Variants in TTC7A observed in about 807,000 individuals in gnomAD.
TTC7A encodes the protein tetratricopeptide repeat domain 7A.
In TTC7A, 110 loss-of-function variants were observed where a neutral mutation model predicts 103.7. That is an observed-to-expected ratio of 1.06 (90% CI 0.91 to 1.24). The LOEUF (loss-of-function observed/expected upper bound fraction) is 1.24. Ranked by LOEUF, TTC7A falls within the 50% of genes most tolerant of loss-of-function variation. The pLI is 0.00. For synonymous variants in TTC7A, 521 were observed against 467.9 expected, an observed-to-expected ratio of 1.11 and a Z score of -1.47; for missense variants, 1,340 against 1,116.3, an observed-to-expected ratio of 1.20 and a Z score of -2.86.
chr2:47,054,041 C>CTTTCAGTCA (rs1683119527), intron 18 of TTC7A: 1 of 911,956 alleles, frequency 1.1e-6, no homozygotes, highest in African/African-American at 1.8e-5. Flanking sequence ...AAACACATGC[C>CTTTCAGTCA]TTTCAGTCAT....
At chr2:46,931,636 T>A (rs1309083521) in intron 2 of TTC7A, among the ~76,000 whole-genome samples, 1 of 151,954 alleles carries the variant, frequency 6.6e-6, no homozygotes, top group African/African-American at 2.4e-5. Flanking sequence ...TGATCTTCCC[T>A]TTTCATGTTT....
At chr2:46,926,490 C>T (rs1669389948) in intron 2 of TTC7A, among the ~76,000 whole-genome samples, 1 of 152,140 alleles carries the variant, frequency 6.6e-6, no homozygotes, top group South Asian at 2.1e-4. Flanking sequence ...GAAGACTTCC[C>T]TCTATGATAA....
chr2:47,047,233 A>G lies in TTC7A; in HGVS notation c.1919+802A>G, dbSNP rs1184348708. On this transcript the variant is annotated intron_variant, in intron 16 of 19. Transcript: ENST00000319190. ...TGTCATCTCCCTGAGGCCTCAGGGG[A>G]CCCCAGTCTGGTGTATATTTGTGTT... The G allele has an allele frequency of 2.1e-5, 29 of 1,360,884 alleles. No individual in the cohort carries two copies. The South Asian group carries it at 3.7e-4, about 17-fold the overall frequency. 84.3% of individuals were successfully genotyped at this position (1,360,884 alleles called of 1,614,324 possible).
chr2:47,030,699 C>T (rs1034125741), intron 15 of TTC7A, among the ~76,000 whole-genome samples: 3 of 152,182 alleles, frequency 2.0e-5, no homozygotes, highest in Non-Finnish European at 4.4e-5. Flanking sequence ...TCCACACTAA[C>T]CCCTGCCCCG....
intron 3 of TTC7A, among the ~76,000 whole-genome samples, chr2:46,965,943 C>T (rs1672795332): frequency 6.6e-6 from 1 of 151,786 alleles, no homozygotes; most frequent in Non-Finnish European, 1.5e-5. Flanking sequence ...AAAATATTTT[C>T]TAAGTGCATA....
chr2:46,983,609 G>A (rs1004268704), intron 5 of TTC7A, among the ~76,000 whole-genome samples: 1 of 152,236 alleles, frequency 6.6e-6, no homozygotes, highest in Non-Finnish European at 1.5e-5. Flanking sequence ...AGTGACTTAT[G>A]AAGCCCGGCA....
chr2:47,044,889 G>A (rs1272352660), intron 15 of TTC7A, among the ~76,000 whole-genome samples: 2 of 152,234 alleles, frequency 1.3e-5, no homozygotes, highest in Admixed American at 1.3e-4. Flanking sequence ...TGGGAGCCCA[G>A]GTCTTAGGGC....
At chr2:47,013,116 C>A (rs1429360874) in intron 11 of TTC7A, among the ~76,000 whole-genome samples, 3 of 152,096 alleles carry the variant, frequency 2.0e-5, no homozygotes, top group Non-Finnish European at 4.4e-5. Flanking sequence ...ACATAAATGA[C>A]CAAGTAGGGA....
chr2:46,918,746 C>T (rs796810149), intron 2 of TTC7A, among the ~76,000 whole-genome samples: 11 of 152,322 alleles, frequency 7.2e-5, no homozygotes, highest in African/African-American at 2.6e-4. Flanking sequence ...TTGGAGAAAT[C>T]TCACGAGCAA....
intron 8 of TTC7A, among the ~76,000 whole-genome samples, chr2:47,002,783 C>G (rs1288689752): frequency 6.6e-6 from 1 of 152,124 alleles, no homozygotes; most frequent in Non-Finnish European, 1.5e-5. Flanking sequence ...CACACACAGG[C>G]ACTGCCCAGC....
At chr2:47,048,896 CCTGGCCTGTCT>C (rs1358624552) in intron 16 of TTC7A, among the ~76,000 whole-genome samples, 1 of 152,210 alleles carries the variant, frequency 6.6e-6, no homozygotes, top group African/African-American at 2.4e-5. Flanking sequence ...AGCCTCCATG[CCTGGCCTGTCT>C]CTGGCTTTTT....
chr2:47,064,209 C>T (rs961112961), intron 19 of TTC7A, among the ~76,000 whole-genome samples: 1 of 152,248 alleles, frequency 6.6e-6, no homozygotes, highest in Admixed American at 6.5e-5. Context: ...GTCCTGCTGG[C>T]TGCCGTCTGT....
intron 2 of TTC7A, 21 bp downstream of exon 2, chr2:46,950,547 C>A: frequency 6.2e-7 from 1 of 1,612,366 alleles, no homozygotes; most frequent in South Asian, 1.1e-5. Context: ...AGCCTTCAAG[C>A]CTGAGACCTC....
chr2:47,031,903 C>T (rs1029498471), intron 15 of TTC7A, among the ~76,000 whole-genome samples: 1 of 152,252 alleles, frequency 6.6e-6, no homozygotes, highest in Non-Finnish European at 1.5e-5. Flanking sequence ...GGGGGACCCA[C>T]TCGTGGCTCC....
upstream of TTC7A, chr2:46,916,039 G>A (rs1668768045): frequency 1.0e-6 from 1 of 985,474 alleles, no homozygotes; most frequent in Non-Finnish European, 1.2e-6. Flanking sequence ...ACGCCCTAGG[G>A]GCCCGGCAGT....
chr2:47,029,245 C>A lies in TTC7A; in HGVS notation c.1663C>A (p.Leu555Met), dbSNP rs781491354. 1 of 1,613,916 alleles carries A rather than the reference C, an allele frequency of 6.2e-7. No individual in the cohort carries two copies. Residue 555 changes from leucine (L) to methionine (M), a missense_variant, in exon 15 of 20, where the codon CTG (leucine) becomes ATG (methionine). By Grantham distance (15) the Leu-to-Met change is conservative. Transcript: ENST00000319190. ...VRQISSAMEQLQEALKVRKDD... is the reference protein window; with the variant it reads ...VRQISSAMEQMQEALKVRKDD... ...ACAGATCTCCAGTGCCATGGAGCAG[C>A]TGCAGGAGGCCCTGAAGGTACGCAA...
intron 18 of TTC7A, among the ~76,000 whole-genome samples, chr2:47,058,565 G>A (rs1196597160): frequency 1.3e-5 from 2 of 152,200 alleles, no homozygotes; most frequent in African/African-American, 4.8e-5. Flanking sequence ...GGTAACCTCA[G>A]CTGTCAGCTT....
intron 1 of TTC7A, among the ~76,000 whole-genome samples, chr2:46,944,060 G>T (rs980113392): frequency 2.0e-5 from 3 of 152,080 alleles, no homozygotes; most frequent in African/African-American, 4.8e-5. Context: ...GGGGTAAGGT[G>T]CTTGCTACTG....
chr2:47,022,846 C>G (rs149875391), intron 12 of TTC7A, among the ~76,000 whole-genome samples: 1 of 152,172 alleles, frequency 6.6e-6, no homozygotes, highest in Non-Finnish European at 1.5e-5. Flanking sequence ...TCTAAGCTTT[C>G]GAATCCGGGG....
Sources: allele counts gnomAD v4.1 joint callset (sites outside exome capture counted in the v4.1 genomes callset), GRCh38; gene constraint gnomAD v4.1.1; transcripts MANE v1.5; gene names NCBI Gene and HGNC (gene_info 2026-07-23, HGNC 2026-07-21).